KMT2C: variants seen among roughly 807,000 people sequenced by gnomAD.
KMT2C encodes histone-lysine N-methyltransferase 2C.
KMT2C carries 88 observed loss-of-function variants against 507.9 expected under a neutral mutation model. The ratio of observed to expected loss-of-function variants is 0.17; its 90% CI spans 0.15 to 0.21. The LOEUF (loss-of-function observed/expected upper bound fraction) is 0.21. Among genes scored for constraint, KMT2C ranks in the 10% least tolerant of loss-of-function variants. The probability of loss-of-function intolerance (pLI) is 1.00; values close to 1 mark genes in which losing one functional copy is unlikely to be tolerated. For missense variants in KMT2C, 4,954 were observed against 5,957.8 expected (o/e 0.83, Z 5.55); for synonymous variants, 2,049 against 2,080.8 (o/e 0.98, Z 0.42).
rs567134575 is a variant in KMT2C at position 152,222,328 on chromosome 7, C to A, written c.3433+245G>T. ...TTGTCAATAACTACAAGATCATGTT[C>A]CTTGGAAGCAAAATTATAGTTTACA... On this transcript the variant is annotated intron_variant, in intron 21 of 58. Transcript: ENST00000262189. Among the ~76,000 whole-genome samples the A allele has an allele frequency of 5.3e-5, 8 of 152,208 alleles. No homozygotes were observed. The East Asian group carries it at 1.5e-3, about 29-fold the overall frequency.
At chr7:152,301,108 A>C (rs1381748004) in intron 6 of KMT2C, among the ~76,000 whole-genome samples, 1 of 151,828 alleles carries the variant, frequency 6.6e-6, no homozygotes, top group Non-Finnish European at 1.5e-5. Context: ...CACGCCTATA[A>C]TACTAGCACC....
rs1257879201 is a variant in KMT2C at position 152,365,619 on chromosome 7, C to A, written c.162-6944G>T. 1.1e-4 allele frequency among the ~76,000 whole-genome samples: 16 copies of A among 152,220 alleles called. 1 individual carries two copies. The highest frequency in any genetic ancestry group is 1.0e-3 in the Admixed American group (16 of 15,280). ...CAGGCAGGTCTTGAATTCCTGGTCT[C>A]AAGCGATCCTCCCACCTTGGCTTCC... is the stretch of plus-strand genomic sequence containing the variant. On this transcript the variant is annotated intron_variant, in intron 1 of 58. Coordinates refer to ENST00000262189, the MANE Select transcript of KMT2C (RefSeq NM_170606.3).
intron 6 of KMT2C, among the ~76,000 whole-genome samples, chr7:152,304,801 A>C (rs955833959): frequency 1.3e-5 from 2 of 152,174 alleles, no homozygotes; most frequent in African/African-American, 4.8e-5. Context: ...TTGGCCTCCC[A>C]ACATGCTAGA....
intron 53 of KMT2C, among the ~76,000 whole-genome samples, chr7:152,145,722 A>G (rs2091041906): frequency 6.6e-6 from 1 of 152,212 alleles, no homozygotes; most frequent in Admixed American, 6.5e-5. Flanking sequence ...ACAGTTAAAA[A>G]ATCATCTATA....
chr7:152,341,345 ATT>A (rs2096989867), intron 2 of KMT2C, among the ~76,000 whole-genome samples: 2 of 152,258 alleles, frequency 1.3e-5, no homozygotes, highest in African/African-American at 4.8e-5. Context: ...TGAATTTTTC[ATT>A]TTAAACTTCA....
In KMT2C at chr7:152,387,233, A is replaced by T. The variant is rs1017259122; in HGVS notation, c.162-28558T>A. Reference sequence around the variant, plus strand: ...AAATTATTAAAAATATTAAATATACAACTTCTATTTGGTTTTATCTGAGCC... The same window carrying T: ...AAATTATTAAAAATATTAAATATACTACTTCTATTTGGTTTTATCTGAGCC... On this transcript the variant is annotated intron_variant, in intron 1 of 58. Transcript: ENST00000262189. Among the ~76,000 whole-genome samples the T allele has an allele frequency of 8.6e-5, 13 of 151,828 alleles. No individual in the cohort carries two copies. The East Asian group carries it at 2.3e-3, about 27-fold the overall frequency.
chr7:152,271,245 T>C (rs1198389306), intron 7 of KMT2C, among the ~76,000 whole-genome samples: 1 of 152,160 alleles, frequency 6.6e-6, no homozygotes, highest in East Asian at 1.9e-4. Flanking sequence ...AAAATATTTA[T>C]AAAACATGTT....
intron 31 of KMT2C, among the ~76,000 whole-genome samples, chr7:152,192,936 G>A (rs2093847828): frequency 6.6e-6 from 1 of 152,156 alleles, no homozygotes; most frequent in Non-Finnish European, 1.5e-5. Flanking sequence ...CACTTTGGGA[G>A]GCCATGGTGG....
At chr7:152,231,386 C>T (rs2095104877) in intron 16 of KMT2C, among the ~76,000 whole-genome samples, 2 of 152,280 alleles carry the variant, frequency 1.3e-5, no homozygotes, top group African/African-American at 4.8e-5. Flanking sequence ...CTTTAAAAAG[C>T]TTACAACCTA....
intron 1 of KMT2C, among the ~76,000 whole-genome samples, chr7:152,396,040 CAA>C (rs1043556390): frequency 2.0e-5 from 3 of 152,118 alleles, no homozygotes; most frequent in Non-Finnish European, 2.9e-5. Flanking sequence ...GACTGAGCTA[CAA>C]AAATAGATCA....
At chr7:152,349,565 T>C (rs944926298) in intron 2 of KMT2C, among the ~76,000 whole-genome samples, 10 of 152,108 alleles carry the variant, frequency 6.6e-5, no homozygotes, top group African/African-American at 2.4e-4. Flanking sequence ...TTCAAACTAT[T>C]TGACACTCTG....
In KMT2C at chr7:152,370,887, C is replaced by T. The variant is rs182480067; in HGVS notation, c.162-12212G>A. Among the ~76,000 whole-genome samples the T allele has an allele frequency of 2.6e-5, 4 of 152,294 alleles. No homozygotes were observed. In the East Asian group the frequency reaches 7.7e-4, roughly 29 times the overall value. ...GCTTTCATGCTACAATAGCAGATAT[C>T]AGCAGTTACAACAGACAGCATATTG... On this transcript the variant is annotated intron_variant, in intron 1 of 58. Transcript: ENST00000262189.
intron 3 of KMT2C, among the ~76,000 whole-genome samples, chr7:152,329,977 C>G (rs2096865590): frequency 6.6e-6 from 1 of 151,736 alleles, no homozygotes; most frequent in African/African-American, 2.4e-5. Context: ...AACCCTGTCT[C>G]TACTAAAAAC....
intron 1 of KMT2C, among the ~76,000 whole-genome samples, chr7:152,363,978 A>G (rs1017707673): frequency 1.3e-5 from 2 of 152,154 alleles, no homozygotes; most frequent in Non-Finnish European, 2.9e-5. Flanking sequence ...CAAGACCTCA[A>G]TGACTATGTA....
At chr7:152,360,519 T>C (rs1215316317) in intron 1 of KMT2C, among the ~76,000 whole-genome samples, 1 of 150,060 alleles carries the variant, frequency 6.7e-6, no homozygotes, top group African/African-American at 2.5e-5. Flanking sequence ...GAAGGAGCTA[T>C]AACATAATAA....
intron 23 of KMT2C, among the ~76,000 whole-genome samples, chr7:152,215,671 A>T (rs1170298822): frequency 6.8e-6 from 1 of 147,128 alleles, no homozygotes; most frequent in Non-Finnish European, 1.5e-5. Flanking sequence ...AGACAAAAGG[A>T]ACAAAATATA....
chr7:152,324,480 G>T (rs1417511524), intron 3 of KMT2C, among the ~76,000 whole-genome samples: 1 of 151,626 alleles, frequency 6.6e-6, no homozygotes, highest in East Asian at 1.9e-4. Context: ...AATAATAAAT[G>T]TATCATGAAT....
chr7:152,312,088 T>A, intron 4 of KMT2C, 142 bp from the exon 5 acceptor site: 1 of 548,006 alleles, frequency 1.8e-6, no homozygotes, highest in Non-Finnish European at 3.1e-6. Flanking sequence ...AGAATTCATC[T>A]GTTAGTATTA....
chr7:152,329,559 G>T, intron 3 of KMT2C, among the ~76,000 whole-genome samples: 1 of 149,588 alleles, frequency 6.7e-6, no homozygotes, highest in African/African-American at 2.5e-5. Context: ...AACAGAGTAA[G>T]ACCTTGCCTC....
Sources: gnomAD v4.1 joint callset for allele counts (sites outside exome capture counted in the v4.1 genomes callset) on GRCh38, gnomAD v4.1.1 for gene constraint, MANE v1.5 for transcripts, NCBI Gene and HGNC (gene_info 2026-07-23, HGNC 2026-07-21) for gene names.